CNTN4: variants seen among roughly 807,000 people sequenced by gnomAD.
CNTN4 encodes the protein contactin 4.
A neutral mutation model predicts 122.5 loss-of-function variants in CNTN4; 77 were observed. The ratio of observed to expected loss-of-function variants is 0.63; its 90% CI spans 0.52 to 0.76. CNTN4 has a LOEUF of 0.76. CNTN4 is among the 30% of genes least tolerant of loss of function. CNTN4 has a pLI of 0.00. For synonymous variants in CNTN4, 512 were observed against 447.0 expected (o/e 1.15, Z -1.83); for missense variants, 1,256 against 1,259.1 (o/e 1.00, Z 0.04).
intron 4 of CNTN4, among the ~76,000 whole-genome samples, chr3:2,687,348 G>A (rs933047499): frequency 1.6e-4 from 4 of 25,534 alleles, no homozygotes; most frequent in Non-Finnish European, 2.6e-4. Flanking sequence ...GTCTTCTGTA[G>A]ACATTTTAAT....
chr3:2,444,996 A>G (rs1204432180), intron 3 of CNTN4, among the ~76,000 whole-genome samples: 4 of 150,296 alleles, frequency 2.7e-5, no homozygotes, highest in South Asian at 2.1e-4. Flanking sequence ...ACTTCTTACT[A>G]TGTAAAAAAA....
chr3:2,968,428 G>A (rs1692546696), intron 13 of CNTN4, among the ~76,000 whole-genome samples: 2 of 152,200 alleles, frequency 1.3e-5, no homozygotes, highest in South Asian at 2.1e-4. Flanking sequence ...GAACTTGGCA[G>A]TTATCTGAGG....
intron 3 of CNTN4, among the ~76,000 whole-genome samples, chr3:2,544,543 A>C (rs932746286): frequency 6.6e-6 from 1 of 152,142 alleles, no homozygotes; most frequent in African/African-American, 2.4e-5. Flanking sequence ...CAAGAAACTT[A>C]TAATTGGGAA....
intron 11 of CNTN4, among the ~76,000 whole-genome samples, chr3:2,901,834 TG>T (rs2094177401): frequency 6.6e-6 from 1 of 151,970 alleles, no homozygotes; most frequent in Non-Finnish European, 1.5e-5. Flanking sequence ...AGGAATTAGG[TG>T]GGGGTACAGA....
At chr3:2,762,986 G>A (rs1358493331) in intron 6 of CNTN4, among the ~76,000 whole-genome samples, 1 of 137,850 alleles carries the variant, frequency 7.3e-6, no homozygotes, top group East Asian at 2.1e-4. Flanking sequence ...GTGTCGCGCA[G>A]GCTGGAGTGC....
At chr3:2,223,929 A>C (rs2039161450) in intron 2 of CNTN4, among the ~76,000 whole-genome samples, 1 of 152,188 alleles carries the variant, frequency 6.6e-6, no homozygotes. Context: ...CTGAGCTTAC[A>C]CAAAGGGATA....
chr3:2,241,607 TACTCA>T (rs1027901440), intron 2 of CNTN4, among the ~76,000 whole-genome samples: 1 of 152,174 alleles, frequency 6.6e-6, no homozygotes, highest in African/African-American at 2.4e-5. Context: ...CAGAACTCTT[TACTCA>T]AGGTCACTAC....
chr3:2,113,173 G>T (rs539839542), intron 2 of CNTN4, among the ~76,000 whole-genome samples: 129 of 152,144 alleles, frequency 8.5e-4, no homozygotes, highest in Non-Finnish European at 9.9e-4. Flanking sequence ...CAACTGAAGC[G>T]GGTGGAAGGG....
At chr3:2,921,925 G>A (rs1369867367) in intron 12 of CNTN4, among the ~76,000 whole-genome samples, 1 of 151,960 alleles carries the variant, frequency 6.6e-6, no homozygotes. Flanking sequence ...ATTACATAGA[G>A]GGCTTCTCTC....
chr3:2,627,200 A>G (rs1273346553), intron 4 of CNTN4, among the ~76,000 whole-genome samples: 1 of 152,190 alleles, frequency 6.6e-6, no homozygotes, highest in Non-Finnish European at 1.5e-5. Context: ...GGCAAGGACT[A>G]TGTATGTTGC....
At chr3:2,975,921 T>G (rs1428794979) in intron 13 of CNTN4, among the ~76,000 whole-genome samples, 1 of 152,208 alleles carries the variant, frequency 6.6e-6, no homozygotes, top group Non-Finnish European at 1.5e-5. Context: ...GTTGAAATTG[T>G]CTCAGGTCCT....
intron 16 of CNTN4, among the ~76,000 whole-genome samples, chr3:3,033,255 A>G (rs1203282917): frequency 1.3e-5 from 2 of 152,216 alleles, no homozygotes; most frequent in African/African-American, 4.8e-5. Flanking sequence ...CATCAGCTCT[A>G]TCTAGGTGAC....
At chr3:2,446,240 G>T (rs1328246002) in intron 3 of CNTN4, among the ~76,000 whole-genome samples, 1 of 152,094 alleles carries the variant, frequency 6.6e-6, no homozygotes, top group Non-Finnish European at 1.5e-5. Flanking sequence ...TTTCCTGTGT[G>T]TTTTAACCTC....
chr3:2,789,525 C>T (rs976141245), intron 6 of CNTN4, among the ~76,000 whole-genome samples: 1 of 152,164 alleles, frequency 6.6e-6, no homozygotes, highest in African/African-American at 2.4e-5. Flanking sequence ...CTCCGCCTCC[C>T]GGGTTCAAGT....
At chr3:2,821,923 T>C (rs1484377483) in intron 7 of CNTN4, among the ~76,000 whole-genome samples, 1 of 152,244 alleles carries the variant, frequency 6.6e-6, no homozygotes, top group Admixed American at 6.5e-5. Flanking sequence ...ATTTTTGTCC[T>C]CTGTTCAAAA....
chr3:2,440,895 A>G (rs2151282862), intron 3 of CNTN4, among the ~76,000 whole-genome samples: 1 of 147,748 alleles, frequency 6.8e-6, no homozygotes, highest in African/African-American at 2.5e-5. Context: ...ATATATATAC[A>G]TGTATATAAC....
At chr3:2,846,835 A>G (rs1330991267) in intron 7 of CNTN4, among the ~76,000 whole-genome samples, 4 of 152,082 alleles carry the variant, frequency 2.6e-5, no homozygotes, top group Non-Finnish European at 5.9e-5. Flanking sequence ...CATCTCTACT[A>G]AAAATACAAA....
chr3:2,828,524 G>A (rs2093035132), intron 7 of CNTN4, among the ~76,000 whole-genome samples: 1 of 152,142 alleles, frequency 6.6e-6, no homozygotes, highest in Non-Finnish European at 1.5e-5. Flanking sequence ...CAAGAATGTT[G>A]AGGTCAGCCA....
intron 2 of CNTN4, among the ~76,000 whole-genome samples, chr3:2,292,825 G>T (rs1485603621): frequency 3.3e-5 from 5 of 152,120 alleles, no homozygotes; most frequent in Admixed American, 1.3e-4. Context: ...GGACATTTTG[G>T]ATGTTCCCAG....
Sources: allele counts gnomAD v4.1 joint callset (sites outside exome capture counted in the v4.1 genomes callset), GRCh38; gene constraint gnomAD v4.1.1; transcripts MANE v1.5; gene names NCBI Gene and HGNC (gene_info 2026-07-23, HGNC 2026-07-21).